POLR3K: variants seen among roughly 807,000 people sequenced by gnomAD.
POLR3K encodes the protein RNA polymerase III subunit K.
Under a neutral mutation model 13.5 loss-of-function variants are expected in POLR3K, and 11 were observed. That is an observed-to-expected ratio of 0.81 (90% CI 0.51 to 1.35). POLR3K has a LOEUF of 1.35. Ranked by LOEUF, POLR3K falls within the 40% of genes most tolerant of loss-of-function variation. The pLI is 0.00. For missense variants in POLR3K, 144 were observed against 145.3 expected (o/e 0.99, Z 0.05); for synonymous variants, 56 against 51.5 (o/e 1.09, Z -0.38).
At chr16:51,483 G>T in intron 2 of POLR3K, 75 bp downstream of exon 2, 1 of 1,146,188 alleles carries the variant, frequency 8.7e-7, no homozygotes, top group Non-Finnish European at 1.3e-6. Flanking sequence ...TGACATCATA[G>T]ACTCTGCCAA....
intron 1 of POLR3K, 80 bp from the exon 2 acceptor site, chr16:51,725 A>C: frequency 2.5e-6 from 3 of 1,207,590 alleles, no homozygotes; most frequent in Non-Finnish European, 3.6e-6. Context: ...TCAGGATTAC[A>C]TAAGAGTTCA....
At chr16:50,300 C>G (rs911054908) in intron 2 of POLR3K, among the ~76,000 whole-genome samples, 1 of 152,054 alleles carries the variant, frequency 6.6e-6, no homozygotes, top group Non-Finnish European at 1.5e-5. Context: ...TACTAACCAT[C>G]AGTTATCTCT....
chr16:47,461 T>C lies in POLR3K; in HGVS notation c.296A>G (p.Asn99Ser), dbSNP rs1438391690. 4 of 1,613,450 alleles carry C rather than the reference T, an allele frequency of 2.5e-6. No homozygotes were observed. Among genetic ancestry groups the C allele is most frequent in the African/African-American group, 2.7e-5 (2 of 74,914 alleles). Reference sequence around the variant, plus strand: ...CCTCCAGCGGTGTCCACACTGAGCATTGCAGCACTTGTAGAAGGTGGTCAT... The same window carrying C: ...CCTCCAGCGGTGTCCACACTGAGCACTGCAGCACTTGTAGAAGGTGGTCAT... ...EPMTTFYKCC[N>S]AQCGHRWRD is the part of the protein sequence containing the mutation. The change falls in exon 3 of 3, where the codon AAT becomes AGT. Residue 99 changes from asparagine to serine, a missense_variant. By Grantham distance (46) the Asn-to-Ser change is conservative. Coordinates refer to ENST00000293860, the MANE Select transcript of POLR3K (RefSeq NM_016310.5).
rs1408476332 is a variant in POLR3K, at chr16:46,827, A to G, written c.*603T>C. The G allele has an allele frequency of 6.6e-6, 1 of 152,136 alleles. No individual in the cohort carries two copies. The highest frequency in any genetic ancestry group is 6.5e-5 in the Admixed American group (1 of 15,278). The allele number at this position is 152,136 out of a possible 1,614,324, so 9.4% of individuals were successfully genotyped here. On this transcript the variant is annotated 3_prime_UTR_variant, in exon 3 of 3. Coordinates refer to ENST00000293860, the MANE Select transcript of POLR3K (RefSeq NM_016310.5). ...TCAGGGGAGGTTCAAAAAAATGAAT[A>G]AGGGAGTAAGAATAGGAATAAAGAA...
chr16:53,331 C>T, intron 1 of POLR3K, 145 bp downstream of exon 1: 2 of 1,394,426 alleles, frequency 1.4e-6, no homozygotes, highest in East Asian at 2.7e-5. Context: ...AAAGTAGAGC[C>T]CACAGATCTG....
chr16:51,763 G>C, intron 1 of POLR3K, 118 bp from the exon 2 acceptor site: 1 of 757,346 alleles, frequency 1.3e-6, no homozygotes, highest in Non-Finnish European at 2.2e-6. Flanking sequence ...GCTGACACCT[G>C]TAATCCCAGC....
At chr16:52,773 AAAAAAAAAAAAAAAAAAAAAAAC>A (rs1897350377) in intron 1 of POLR3K, among the ~76,000 whole-genome samples, 1 of 65,844 alleles carries the variant, frequency 1.5e-5, no homozygotes. Flanking sequence ...CTCAAAAAAA[AAAAAAAAAAAAAAAAAAAAAAAC>A]AATAAAAAAA....
intron 1 of POLR3K, among the ~76,000 whole-genome samples, chr16:52,574 T>C (rs1414080863): frequency 6.7e-6 from 1 of 148,154 alleles, no homozygotes; most frequent in African/African-American, 2.5e-5. Flanking sequence ...CCGTCCTGGC[T>C]AACACACGGT....
chr16:50,681 C>T (rs1266423334), intron 2 of POLR3K, among the ~76,000 whole-genome samples: 3 of 152,102 alleles, frequency 2.0e-5, no homozygotes, highest in African/African-American at 7.2e-5. Flanking sequence ...CGCCACCACA[C>T]CCGGCTAATT....
At chr16:52,549 C>T (rs1405737736) in intron 1 of POLR3K, among the ~76,000 whole-genome samples, 1 of 148,436 alleles carries the variant, frequency 6.7e-6, no homozygotes, top group African/African-American at 2.5e-5. Flanking sequence ...GCGGGCAGAT[C>T]ACGAGGTCAG....
At chr16:47,890 A>AT (rs1350876996) in intron 2 of POLR3K, among the ~76,000 whole-genome samples, 2 of 53,574 alleles carry the variant, frequency 3.7e-5, no homozygotes, top group African/African-American at 6.9e-5. Flanking sequence ...TTACTATAAT[A>AT]TCTTTTTTTT....
chr16:51,557 C>T lies in POLR3K; in HGVS notation c.199+1G>A. Reference sequence around the variant, plus strand: ...GCAACAGAAACAGTTTTCCCTCTTACCTGCAGTAGAGTCAACATTCTCCCA... The same window carrying T: ...GCAACAGAAACAGTTTTCCCTCTTATCTGCAGTAGAGTCAACATTCTCCCA... On this transcript the variant is annotated splice_donor_variant, in intron 2 of 2. Coordinates refer to ENST00000293860, the MANE Select transcript of POLR3K (RefSeq NM_016310.5). LOFTEE classifies it high-confidence loss of function. The T allele has an allele frequency of 6.2e-7, 1 of 1,612,170 alleles. No homozygotes were observed. Among genetic ancestry groups the T allele is most frequent in the Non-Finnish European group, 8.5e-7 (1 of 1,178,192 alleles).
At chr16:49,066 C>T (rs1476121252) in intron 2 of POLR3K, among the ~76,000 whole-genome samples, 1 of 151,596 alleles carries the variant, frequency 6.6e-6, no homozygotes, top group Non-Finnish European at 1.5e-5. Flanking sequence ...GCAGGAGAAT[C>T]GCTTGAACCC....
chr16:50,093 G>C (rs1812644615), intron 2 of POLR3K, among the ~76,000 whole-genome samples: 1 of 152,058 alleles, frequency 6.6e-6, no homozygotes, highest in East Asian at 1.9e-4. Flanking sequence ...CGAGTAGCTG[G>C]GATTACAGGT....
chr16:51,717 A>T (rs1897332624), intron 1 of POLR3K, 72 bp from the exon 2 acceptor site: 6 of 1,292,288 alleles, frequency 4.6e-6, no homozygotes, highest in Admixed American at 1.8e-5. Flanking sequence ...CTTAAATTTC[A>T]GGATTACATA....
rs1459225762 is a variant in POLR3K, at chr16:53,358, G to C, written c.111+118C>G. 2.8e-6 allele frequency: 4 copies of C among 1,444,524 alleles called. No individual in the cohort carries two copies. In the African/African-American group the frequency reaches 4.4e-5, roughly 16 times the overall value. 89.5% of individuals were successfully genotyped at this position (1,444,524 alleles called of 1,614,324 possible). ...ACAGATCTGCTGCAGACCAGAAAGG[G>C]GCGCGAGAAAGAGCGGACAGAGGCA... On this transcript the variant is annotated intron_variant, in intron 1 of 2. Transcript: ENST00000293860.
At chr16:51,496 A>T in intron 2 of POLR3K, 62 bp downstream of exon 2, 1 of 1,289,126 alleles carries the variant, frequency 7.8e-7, no homozygotes, top group Non-Finnish European at 1.1e-6. Flanking sequence ...TCTGCCAAGC[A>T]GTGGCATCAA....
intron 2 of POLR3K, among the ~76,000 whole-genome samples, chr16:48,639 G>A (rs879305849): frequency 6.6e-6 from 1 of 151,872 alleles, no homozygotes; most frequent in Non-Finnish European, 1.5e-5. Context: ...GTGAAACCCC[G>A]TCTCTACTAA....
At chr16:49,867 T>C (rs1026474699) in intron 2 of POLR3K, among the ~76,000 whole-genome samples, 1 of 152,170 alleles carries the variant, frequency 6.6e-6, no homozygotes, top group Non-Finnish European at 1.5e-5. Context: ...CTCGATGTCT[T>C]GACCTCGTGA....
Sources: gnomAD v4.1 joint callset for allele counts (sites outside exome capture counted in the v4.1 genomes callset) on GRCh38, gnomAD v4.1.1 for gene constraint, MANE v1.5 for transcripts, NCBI Gene and HGNC (gene_info 2026-07-23, HGNC 2026-07-21) for gene names.